Variants in VSTM2B observed in about 807,000 individuals in gnomAD.
The protein encoded by VSTM2B is V-set and transmembrane domain-containing protein 2B.
In VSTM2B, 24 loss-of-function variants were observed where a neutral mutation model predicts 24.0. The ratio of observed to expected loss-of-function variants is 1.00; its 90% confidence interval spans 0.72 to 1.40. VSTM2B has a LOEUF of 1.40. Among genes scored for constraint, VSTM2B ranks in the 40% most tolerant of loss-of-function variants. The probability of loss-of-function intolerance (pLI) is 0.00; values close to 1 mark genes in which losing one functional copy is unlikely to be tolerated. For synonymous variants in VSTM2B, 226 were observed against 194.4 expected (o/e 1.16, Z -1.35); for missense variants, 399 against 416.4 (o/e 0.96, Z 0.36).
At chr19:29,550,603 G>A (rs777644109) in intron 4 of VSTM2B, among the ~76,000 whole-genome samples, 8 of 152,130 alleles carry the variant, frequency 5.3e-5, no homozygotes, top group Admixed American at 2.0e-4. Flanking sequence ...AGACGACAAT[G>A]TCTTCCCTTG....
At chr19:29,548,387 C>G (rs1439646997) in intron 4 of VSTM2B, among the ~76,000 whole-genome samples, 2 of 152,156 alleles carry the variant, frequency 1.3e-5, no homozygotes, top group African/African-American at 4.8e-5. Flanking sequence ...TAAAATATCT[C>G]GATTTCCTTT....
chr19:29,533,776 G>C (rs1352640722), intron 4 of VSTM2B, among the ~76,000 whole-genome samples: 2 of 152,200 alleles, frequency 1.3e-5, no homozygotes, highest in African/African-American at 2.4e-5. Context: ...CTTTCTGTAG[G>C]GCTGCATCAC....
At chr19:29,546,670 G>GCCCCCC (rs201235419) in intron 4 of VSTM2B, among the ~76,000 whole-genome samples, 2 of 150,320 alleles carry the variant, frequency 1.3e-5, no homozygotes, top group Admixed American at 6.6e-5. Flanking sequence ...CCGCTGGGGA[G>GCCCCCC]CCCCCACCCC....
At chr19:29,534,520 G>T (rs1969840667) in intron 4 of VSTM2B, among the ~76,000 whole-genome samples, 1 of 152,104 alleles carries the variant, frequency 6.6e-6, no homozygotes. Flanking sequence ...TTTGAGACCA[G>T]CCTGGCCAAC....
intron 4 of VSTM2B, among the ~76,000 whole-genome samples, chr19:29,561,215 G>A (rs151268613): frequency 1.3e-5 from 2 of 152,250 alleles, no homozygotes; most frequent in African/African-American, 4.8e-5. Flanking sequence ...GAGAGGCTGA[G>A]GCAGGAGAAT....
At chr19:29,535,495 C>A (rs1477462893) in intron 4 of VSTM2B, among the ~76,000 whole-genome samples, 2 of 152,150 alleles carry the variant, frequency 1.3e-5, no homozygotes, top group Non-Finnish European at 1.5e-5. Flanking sequence ...TGGCAAGCTG[C>A]TGCTGGGTGC....
At position 29,527,216 on chromosome 19, in the gene VSTM2B, T is replaced by G; in HGVS notation, c.88T>G (p.Phe30Val). The G allele has an allele frequency of 6.5e-7, 1 of 1,548,086 alleles. No individual in the cohort carries two copies. The highest frequency in any genetic ancestry group is 1.4e-5 in the African/African-American group (1 of 72,904). The change falls in exon 2 of 5, where the codon TTC (phenylalanine) becomes GTC (valine). Residue 30 changes from phenylalanine (F) to valine (V), a missense_variant. Coordinates refer to ENST00000335523, the MANE Select transcript of VSTM2B (RefSeq NM_001146339.2). ...ALLLFVADAA[F>V]TEVPKDVTVR... ...CTCTCTCTCCCCACCCCCAGCTGCA[T>G]TCACAGAAGTCCCCAAAGATGTGAC... is the stretch of plus-strand genomic sequence containing the variant.
intron 3 of VSTM2B, chr19:29,529,009 A>G: frequency 1.0e-6 from 1 of 985,344 alleles, no homozygotes. Flanking sequence ...GGGGTTGCTA[A>G]CTCTGGGAGG....
chr19:29,563,787 G>C (rs796650457), intron 4 of VSTM2B, 59 bp from the exon 5 acceptor site: 1 of 1,469,132 alleles, frequency 6.8e-7, no homozygotes, highest in African/African-American at 1.4e-5. Context: ...GGTCTGCTGT[G>C]AGCTCCTAGG....
At chr19:29,531,701 G>A (rs1969763701) in intron 4 of VSTM2B, among the ~76,000 whole-genome samples, 1 of 152,226 alleles carries the variant, frequency 6.6e-6, no homozygotes, top group African/African-American at 2.4e-5. Flanking sequence ...GGGAAGGTAG[G>A]GACCTGCAAA....
At chr19:29,529,060 G>GAGATGAC (rs1969659970) in intron 3 of VSTM2B, 58 of 985,364 alleles carry the variant, frequency 5.9e-5, no homozygotes, top group Non-Finnish European at 6.3e-5. Context: ...AGAAAGGCCT[G>GAGATGAC]GAGATGACGA....
At chr19:29,560,558 C>T (rs909489147) in intron 4 of VSTM2B, among the ~76,000 whole-genome samples, 2 of 152,122 alleles carry the variant, frequency 1.3e-5, no homozygotes, top group Non-Finnish European at 2.9e-5. Context: ...GCCACCTGTA[C>T]AGACATCCAG....
At chr19:29,562,648 G>C (rs1029004032) in intron 4 of VSTM2B, among the ~76,000 whole-genome samples, 1 of 152,146 alleles carries the variant, frequency 6.6e-6, no homozygotes, top group East Asian at 1.9e-4. Context: ...GGGGGTTTTG[G>C]CAGCACCAAG....
chr19:29,527,960 A>T (rs1008126234), intron 2 of VSTM2B, among the ~76,000 whole-genome samples: 7 of 151,828 alleles, frequency 4.6e-5, no homozygotes, highest in Non-Finnish European at 7.4e-5. Context: ...ACACACCTAC[A>T]CACACACCTA....
rs1042367673 is a variant in VSTM2B, at chr19:29,526,799, G to T, written c.82+134G>T. On this transcript the variant is annotated intron_variant, in intron 1 of 4. Coordinates refer to ENST00000335523, the MANE Select transcript of VSTM2B (RefSeq NM_001146339.2). This position sits in a 1 kb window ranked among gnomAD's most constrained non-coding sequence, Gnocchi z 4.1. ...CAATCCCGCTGTGCAGCCTGGGCCC[G>T]GAGGGGTAGGGAGAGGCGAGCGGCG... 2.6e-6 allele frequency: 2 copies of T among 772,602 alleles called. No homozygotes were observed. Among genetic ancestry groups the T allele is most frequent in the Admixed American group, 3.1e-5 (1 of 32,078 alleles). The allele number at this position is 772,602 out of a possible 1,614,324, so 47.9% of individuals were successfully genotyped here.
rs374310237 is a variant in VSTM2B, at chr19:29,548,426, C to T, written c.770-15420C>T. Among the ~76,000 whole-genome samples, 27 of 152,342 alleles carry T rather than the reference C, an allele frequency of 1.8e-4. No individual in the cohort carries two copies. The South Asian group carries it at 3.5e-3, about 20-fold the overall frequency. On this transcript the variant is annotated intron_variant, in intron 4 of 4. Transcript: ENST00000335523. Reference sequence around the variant, plus strand: ...GCCCAACTGCATCAGTGGCCCCTTGCTTCTGCCCCAGTTACAGTACACATT... The same window carrying T: ...GCCCAACTGCATCAGTGGCCCCTTGTTTCTGCCCCAGTTACAGTACACATT...
At chr19:29,555,865 T>C (rs1970394240) in intron 4 of VSTM2B, among the ~76,000 whole-genome samples, 1 of 152,088 alleles carries the variant, frequency 6.6e-6, no homozygotes, top group Non-Finnish European at 1.5e-5. Flanking sequence ...CAGGAAGAAG[T>C]TGAATCCCTG....
chr19:29,553,814 A>G (rs1970342607), intron 4 of VSTM2B, among the ~76,000 whole-genome samples: 1 of 152,232 alleles, frequency 6.6e-6, no homozygotes, highest in Non-Finnish European at 1.5e-5. Context: ...AAGTGGGGGA[A>G]AGAATTTCAG....
Position 29,533,922 on chromosome 19 carries a change from G to T in VSTM2B, c.769+3632G>T, listed in dbSNP as rs190367295. ...CTCGGGGCAGACGACCTTGGGCCTT[G>T]CCTCCCAGCCACTCAATTCTAGGCA... On this transcript the variant is annotated intron_variant, in intron 4 of 4. Transcript: ENST00000335523. Among the ~76,000 whole-genome samples the T allele has an allele frequency of 4.3e-3, 649 of 152,316 alleles. 2 individuals carry two copies. The highest frequency in any genetic ancestry group is 0.01 in the Middle Eastern group (3 of 294).
Sources: allele counts gnomAD v4.1 joint callset (sites outside exome capture counted in the v4.1 genomes callset), GRCh38; gene constraint gnomAD v4.1.1; non-coding constraint Gnocchi (gnomAD v3.1); transcripts MANE v1.5; gene names NCBI Gene and HGNC (gene_info 2026-07-23, HGNC 2026-07-21).